PIEZO2: variants seen among roughly 807,000 people sequenced by gnomAD.
PIEZO2 encodes the protein piezo type mechanosensitive ion channel component 2, also known as piezo-type mechanosensitive ion channel component 2.
Under a neutral mutation model 337.3 loss-of-function variants are expected in PIEZO2, and 172 were observed. The ratio of observed to expected loss-of-function variants is 0.51; its 90% CI spans 0.45 to 0.58. PIEZO2 has a LOEUF of 0.58. Ranked by LOEUF, PIEZO2 falls within the 20% of genes least tolerant of loss-of-function variation. The probability of loss-of-function intolerance (pLI) is 0.00; values close to 1 mark genes in which losing one functional copy is unlikely to be tolerated. For synonymous variants in PIEZO2, 1,251 were observed against 1,228.5 expected, an observed-to-expected ratio of 1.02 and a Z score of -0.38; for missense variants, 3,028 against 3,391.3, an observed-to-expected ratio of 0.89 and a Z score of 2.66.
intron 1 of PIEZO2, among the ~76,000 whole-genome samples, chr18:11,120,534 G>A (rs570122422): frequency 2.0e-5 from 3 of 152,328 alleles, no homozygotes; most frequent in African/African-American, 7.2e-5. Context: ...ACAGGAAAGA[G>A]AGGGTTTCGA....
intron 2 of PIEZO2, among the ~76,000 whole-genome samples, chr18:10,992,893 C>T (rs1165574933): frequency 6.6e-6 from 1 of 152,138 alleles, no homozygotes; most frequent in African/African-American, 2.4e-5. Flanking sequence ...TTTGTGTCCT[C>T]TCTTATTTCC....
rs2036900187 is a variant in PIEZO2 at position 11,035,538 on chromosome 18, G to C, written c.160+30589C>G. Among the ~76,000 whole-genome samples the C allele has an allele frequency of 6.6e-6, 1 of 152,130 alleles. No individual in the cohort carries two copies. Among genetic ancestry groups the C allele is most frequent in the Non-Finnish European group, 1.5e-5 (1 of 68,026 alleles). The stretch of plus-strand genomic sequence containing the variant: ...ATTCCTTTAGAGCAATGCAAAATGG[G>C]CTAACACAACTCCTCTTGCCAGCAG... On this transcript the variant is annotated intron_variant, in intron 2 of 55. Coordinates refer to ENST00000674853, the MANE Select transcript of PIEZO2 (RefSeq NM_001378183.1). The surrounding 1 kb of genome is among the most constrained non-coding windows in gnomAD (Gnocchi z 4.3).
At position 10,726,691 on chromosome 18, in the gene PIEZO2, G is replaced by A. The variant is rs2036559413; in HGVS notation, c.5029+4716C>T. Reference sequence around the variant, plus strand: ...CTCGCTGCCAAGTTAATTCAGCAAGGACCAGGTGTACCTGAACGGCATCCT... The same window carrying A: ...CTCGCTGCCAAGTTAATTCAGCAAGAACCAGGTGTACCTGAACGGCATCCT... On this transcript the variant is annotated intron_variant, in intron 36 of 55. Coordinates refer to ENST00000674853, the MANE Select transcript of PIEZO2 (RefSeq NM_001378183.1). The surrounding 1 kb of genome is among the most constrained non-coding windows in gnomAD (Gnocchi z 5.9). 3 of 1,435,364 alleles carry A rather than the reference G, an allele frequency of 2.1e-6. No homozygotes were observed. The highest frequency in any genetic ancestry group is 1.9e-6 in the Non-Finnish European group (2 of 1,032,448). The allele number at this position is 1,435,364 out of a possible 1,614,324, so 88.9% of individuals were successfully genotyped here.
intron 7 of PIEZO2, among the ~76,000 whole-genome samples, chr18:10,825,550 C>CTTTTTTTTTTTTTTTTTTTTTTTTT (rs57159292): frequency 8.8e-6 from 1 of 113,862 alleles, no homozygotes; most frequent in Non-Finnish European, 1.7e-5. Context: ...TCCTTTCTTC[C>CTTTTTTTTTTTTTTTTTTTTTTTTT]TTTTTTTTTT....
chr18:10,728,352 A>C (rs1328213156), intron 36 of PIEZO2: 1 of 152,224 alleles, frequency 6.6e-6, no homozygotes, highest in Non-Finnish European at 1.5e-5. Context: ...CACTTTTGCG[A>C]ATCTGTTCTG....
chr18:10,679,944 A>G (rs527318191), intron 52 of PIEZO2, among the ~76,000 whole-genome samples: 35 of 152,362 alleles, frequency 2.3e-4, no homozygotes, highest in Admixed American at 2.0e-3. Context: ...CCAGAAAACT[A>G]AAGTTAGCTA....
rs2038150083 is a variant in PIEZO2, at chr18:11,066,349, T to C, written c.65-127A>G. ...CAAACAGTGTCACTTCCTGAATAGA[T>C]ATGTCAATTAAACAGTAATAAATTA... On this transcript the variant is annotated intron_variant, in intron 1 of 55. Transcript: ENST00000674853. 10 of 644,032 alleles carry C rather than the reference T, an allele frequency of 1.6e-5. No individual in the cohort carries two copies. The South Asian group carries it at 2.0e-4, about 13-fold the overall frequency. The allele number at this position is 644,032 out of a possible 1,614,324, so 39.9% of individuals were successfully genotyped here.
intron 2 of PIEZO2, among the ~76,000 whole-genome samples, chr18:10,991,055 T>C (rs1419286267): frequency 6.6e-6 from 1 of 151,626 alleles, no homozygotes; most frequent in Admixed American, 6.6e-5. Flanking sequence ...TCCGAGGAGA[T>C]TGTAAAGAAT....
intron 1 of PIEZO2, among the ~76,000 whole-genome samples, chr18:11,085,196 T>C (rs1324506884): frequency 6.6e-6 from 1 of 152,022 alleles, no homozygotes; most frequent in Non-Finnish European, 1.5e-5. Flanking sequence ...TAGATCACAG[T>C]CCCAAGAATC....
At chr18:10,693,666 C>T (rs1329512464) in intron 47 of PIEZO2, among the ~76,000 whole-genome samples, 1 of 151,596 alleles carries the variant, frequency 6.6e-6, no homozygotes. Context: ...ATGCCCAACC[C>T]AATCCGGATG....
chr18:10,845,595 G>A lies in PIEZO2; in HGVS notation c.917+9758C>T, dbSNP rs566024663. Among the ~76,000 whole-genome samples the A allele has an allele frequency of 1.3e-3, 192 of 152,248 alleles. 2 individuals carry two copies. Among genetic ancestry groups the A allele is most frequent in the African/African-American group, 4.4e-3 (183 of 41,526 alleles). On this transcript the variant is annotated intron_variant, in intron 7 of 55. Transcript: ENST00000674853. ...AGTTACCAGGATGGGTAGCCCTCGG[G>A]CACACTGTCTTACTAATTTCTACCA...
chr18:11,041,118 A>G (rs952987740), intron 2 of PIEZO2, among the ~76,000 whole-genome samples: 1 of 152,222 alleles, frequency 6.6e-6, no homozygotes, highest in Non-Finnish European at 1.5e-5. Context: ...GAAAAGACGA[A>G]TTCTAAAACC....
chr18:10,891,428 C>T (rs2042752619), intron 4 of PIEZO2, among the ~76,000 whole-genome samples: 1 of 151,956 alleles, frequency 6.6e-6, no homozygotes, highest in Non-Finnish European at 1.5e-5. Flanking sequence ...GAAGACAGTA[C>T]AAATCCTCTT....
At chr18:10,960,774 G>A (rs2033736697) in intron 3 of PIEZO2, among the ~76,000 whole-genome samples, 1 of 152,128 alleles carries the variant, frequency 6.6e-6, no homozygotes, top group African/African-American at 2.4e-5. Flanking sequence ...ACCTCTCTTA[G>A]GGACCTTGGG....
intron 1 of PIEZO2, among the ~76,000 whole-genome samples, chr18:11,067,129 A>C (rs2038180343): frequency 6.6e-6 from 1 of 152,176 alleles, no homozygotes; most frequent in Non-Finnish European, 1.5e-5. Flanking sequence ...AGTACAAAAC[A>C]ATCAGAAAAT....
intron 27 of PIEZO2, among the ~76,000 whole-genome samples, chr18:10,756,108 AT>A (rs1404672285): frequency 2.0e-5 from 3 of 148,056 alleles, no homozygotes; most frequent in African/African-American, 7.5e-5. Flanking sequence ...GAGATAGGGG[AT>A]GAGGAGGAAA....
Position 10,803,930 on chromosome 18 carries a change from G to C in PIEZO2, c.1145C>G (p.Ala382Gly), listed in dbSNP as rs1035950451. The change falls in exon 9 of 56, where the codon GCG becomes GGG. Residue 382 changes from alanine to glycine, a missense_variant. This residue lies in a region of PIEZO2 where 542 missense variants were observed against 605.6 expected (regional missense o/e 0.89). Coordinates refer to ENST00000674853, the MANE Select transcript of PIEZO2 (RefSeq NM_001378183.1). ...GTACCACAGGCTCCGCCTCCTCCCCGCTGTTATTTGGATGGGGCTACAAGC... is the reference window on the plus strand; with the variant it reads ...GTACCACAGGCTCCGCCTCCTCCCCCCTGTTATTTGGATGGGGCTACAAGC... Reference protein sequence around the residue: ...ALACSPIQITAGRRRSLWYAT... With the variant: ...ALACSPIQITGGRRRSLWYAT... The C allele has an allele frequency of 1.3e-6, 2 of 1,537,156 alleles. No homozygotes were observed. Among genetic ancestry groups the C allele is most frequent in the African/African-American group, 1.4e-5 (1 of 73,030 alleles).
chr18:11,089,477 C>A (rs1480005950), intron 1 of PIEZO2, among the ~76,000 whole-genome samples: 1 of 152,100 alleles, frequency 6.6e-6, no homozygotes, highest in Admixed American at 6.5e-5. Context: ...TGCCCAAACT[C>A]TTGAAATTTG....
chr18:11,064,572 G>A (rs529178520), intron 2 of PIEZO2, among the ~76,000 whole-genome samples: 2 of 152,176 alleles, frequency 1.3e-5, no homozygotes, highest in South Asian at 2.1e-4. Context: ...GTCAGTCCTT[G>A]GCACATCTGA....
Sources: gnomAD v4.1 joint callset for allele counts (sites outside exome capture counted in the v4.1 genomes callset) on GRCh38, gnomAD v4.1.1 for gene constraint, gnomAD v4.1.1 regional missense constraint, Gnocchi (gnomAD v3.1) non-coding constraint, MANE v1.5 for transcripts, NCBI Gene and HGNC (gene_info 2026-07-23, HGNC 2026-07-21) for gene names.